The following GPD1L variants were observed in gnomAD, a reference collection of about 807,000 sequenced individuals.
The protein encoded by GPD1L is glycerol-3-phosphate dehydrogenase 1 like.
In GPD1L, 17 loss-of-function variants were observed where a neutral mutation model predicts 32.9. The observed-to-expected ratio is 0.52, with a 90% confidence interval of 0.35 to 0.78. GPD1L has a LOEUF of 0.78. GPD1L is among the 30% of genes least tolerant of loss of function. The pLI, the probability that GPD1L is intolerant of heterozygous loss-of-function variation, is 0.01. For missense variants in GPD1L, 361 were observed against 447.8 expected (o/e 0.81, Z 1.75); for synonymous variants, 187 against 165.9 (o/e 1.13, Z -0.98).
chr3:32,121,016 G>T (rs568197404), intron 1 of GPD1L, among the ~76,000 whole-genome samples: 20 of 152,130 alleles, frequency 1.3e-4, no homozygotes, highest in Non-Finnish European at 2.6e-4. Context: ...ACTCAGGGCC[G>T]TAGAGCAGAA....
chr3:32,149,587 G>A (rs1046525361), intron 5 of GPD1L, among the ~76,000 whole-genome samples: 6 of 152,138 alleles, frequency 3.9e-5, no homozygotes, highest in African/African-American at 1.4e-4. Context: ...TGTCCTTCAT[G>A]AACTCTTAGC....
intron 2 of GPD1L, among the ~76,000 whole-genome samples, chr3:32,138,179 C>T (rs77956269): frequency 0.03 from 4,503 of 152,230 alleles, 316 homozygotes; most frequent in East Asian, 0.25. Flanking sequence ...TGGCTGAAGC[C>T]CACTGGAAGC....
intron 4 of GPD1L, among the ~76,000 whole-genome samples, chr3:32,144,846 C>A (rs567614496): frequency 6.6e-6 from 1 of 151,458 alleles, no homozygotes; most frequent in Non-Finnish European, 1.5e-5. Context: ...CACACACACA[C>A]ACACACACCA....
chr3:32,116,295 T>A (rs1019839730), intron 1 of GPD1L, among the ~76,000 whole-genome samples: 1 of 152,222 alleles, frequency 6.6e-6, no homozygotes, highest in Admixed American at 6.5e-5. Context: ...TAAGTGACCA[T>A]GCATTCACAT....
In GPD1L at chr3:32,165,875, T is replaced by C. The variant is rs1344615515; in HGVS notation, c.1021T>C (p.Leu341=). 1 of 1,605,514 alleles carries C rather than the reference T, an allele frequency of 6.2e-7. No homozygotes were observed. The highest frequency in any genetic ancestry group is 1.3e-5 in the African/African-American group (1 of 74,768). ...CGAAAGCAGACCAGTTCAAGAGATG[T>C]TGTCTTGTCTTCAGAGCCATCCAGA... ...CYESRPVQEM[L]SCLQSHPEHT Residue 341 remains leucine, a synonymous_variant, in exon 8 of 8, where the codon TTG becomes CTG. Transcript: ENST00000282541.
chr3:32,136,711 A>G (rs778998151), intron 2 of GPD1L, among the ~76,000 whole-genome samples: 1 of 152,248 alleles, frequency 6.6e-6, no homozygotes, highest in Non-Finnish European at 1.5e-5. Context: ...TTCCTCTCAC[A>G]TAGAAATACT....
At position 32,143,468 on chromosome 3, in the gene GPD1L, G is replaced by A. The variant is rs564050883; in HGVS notation, c.505+3102G>A. Among the ~76,000 whole-genome samples the A allele has an allele frequency of 1.1e-3, 174 of 152,188 alleles. 2 individuals carry two copies. The highest frequency in any genetic ancestry group is 5.3e-4 in the Non-Finnish European group (36 of 68,012). On this transcript the variant is annotated intron_variant, in intron 4 of 7. Coordinates refer to ENST00000282541, the MANE Select transcript of GPD1L (RefSeq NM_015141.4). ...TATGTTATAAAACAACAGGCCAATG[G>A]TATCTTTGACTCTTCAAAAAAGTCA...
At chr3:32,124,019 G>A (rs1001738511) in intron 1 of GPD1L, among the ~76,000 whole-genome samples, 20 of 152,068 alleles carry the variant, frequency 1.3e-4, no homozygotes, top group African/African-American at 4.8e-4. Context: ...ATATATCTAT[G>A]TACATTTTTG....
chr3:32,119,122 G>A (rs1413836308), intron 1 of GPD1L, among the ~76,000 whole-genome samples: 1 of 152,136 alleles, frequency 6.6e-6, no homozygotes, highest in Non-Finnish European at 1.5e-5. Flanking sequence ...ATTCTTTGGG[G>A]TATATACCCA....
At chr3:32,116,410 C>T (rs902438801) in intron 1 of GPD1L, among the ~76,000 whole-genome samples, 1 of 152,202 alleles carries the variant, frequency 6.6e-6, no homozygotes, top group Admixed American at 6.5e-5. Context: ...TTAAAAGGAA[C>T]TCTTGTGAGT....
chr3:32,152,565 A>G (rs996426257), intron 5 of GPD1L, among the ~76,000 whole-genome samples: 3 of 152,194 alleles, frequency 2.0e-5, no homozygotes, highest in African/African-American at 7.2e-5. Flanking sequence ...GAAGAGGCAA[A>G]CAGAGAGCCA....
In GPD1L at chr3:32,124,343, G is replaced by A. The variant is rs144438488; in HGVS notation, c.48-3733G>A. ...GCCTCCCAAAGTGCTGGGATTACAGGCGTGAGCCACCACCCCCGGCCCATT... is the reference window on the plus strand; with the variant it reads ...GCCTCCCAAAGTGCTGGGATTACAGACGTGAGCCACCACCCCCGGCCCATT... On this transcript the variant is annotated intron_variant, in intron 1 of 7. Coordinates refer to ENST00000282541, the MANE Select transcript of GPD1L (RefSeq NM_015141.4). Among the ~76,000 whole-genome samples, 611 of 152,322 alleles carry A rather than the reference G, an allele frequency of 4.0e-3. 6 individuals carry two copies. Among genetic ancestry groups the A allele is most frequent in the African/African-American group, 0.014 (568 of 41,574 alleles).
At chr3:32,162,288 A>G (rs1701083343) in intron 7 of GPD1L, among the ~76,000 whole-genome samples, 1 of 152,146 alleles carries the variant, frequency 6.6e-6, no homozygotes, top group Non-Finnish European at 1.5e-5. Flanking sequence ...TCTAGCACCA[A>G]TGTAACTTCC....
chr3:32,167,184 C>T lies in GPD1L; in HGVS notation c.*1274C>T, dbSNP rs1031791414. 2 of 152,174 alleles carry T rather than the reference C, an allele frequency of 1.3e-5. No homozygotes were observed. The highest frequency in any genetic ancestry group is 4.8e-5 in the African/African-American group (2 of 41,416). 9.4% of individuals were successfully genotyped at this position (152,174 alleles called of 1,614,324 possible). A position where few individuals can be genotyped will look rare whatever the true frequency, so the allele number is the denominator to read the frequency against. ...ACTGTCCCAAGAGCCAGTGATTATT[C>T]CAGGTGTTCCCTGGAAAGGTCAAGT... On this transcript the variant is annotated 3_prime_UTR_variant, in exon 8 of 8. Coordinates refer to ENST00000282541, the MANE Select transcript of GPD1L (RefSeq NM_015141.4).
chr3:32,123,857 C>G (rs911839806), intron 1 of GPD1L, among the ~76,000 whole-genome samples: 5 of 112,592 alleles, frequency 4.4e-5, no homozygotes, highest in Non-Finnish European at 6.0e-5. Flanking sequence ...CAGATAAGAC[C>G]CATGCCTGAC....
At position 32,106,801 on chromosome 3, in the gene GPD1L, A is replaced by C; in HGVS notation, c.47+43A>C. ...GGAGGCCGGGGCTCCGCTTCCAGGA[A>C]GCGCCTCTCCCGGGCGGTGAGGGCT... On this transcript the variant is annotated intron_variant, in intron 1 of 7. Coordinates refer to ENST00000282541, the MANE Select transcript of GPD1L (RefSeq NM_015141.4). This position sits in a 1 kb window ranked among gnomAD's most constrained non-coding sequence, Gnocchi z 4.0. 1.3e-6 allele frequency: 2 copies of C among 1,537,720 alleles called. No homozygotes were observed. The highest frequency in any genetic ancestry group is 1.8e-6 in the Non-Finnish European group (2 of 1,141,608).
At chr3:32,135,474 A>G (rs1437947128) in intron 2 of GPD1L, among the ~76,000 whole-genome samples, 1 of 151,970 alleles carries the variant, frequency 6.6e-6, no homozygotes, top group Non-Finnish European at 1.5e-5. Context: ...TTTTTTTGAG[A>G]CAGAGTCTTG....
chr3:32,161,451 T>A (rs925474947), intron 7 of GPD1L, among the ~76,000 whole-genome samples: 1 of 152,190 alleles, frequency 6.6e-6, no homozygotes, highest in Non-Finnish European at 1.5e-5. Context: ...GTGGTTGGAC[T>A]ACTTTAATGA....
At chr3:32,156,313 A>G (rs994479382) in intron 5 of GPD1L, among the ~76,000 whole-genome samples, 13 of 152,234 alleles carry the variant, frequency 8.5e-5, no homozygotes, top group Admixed American at 8.5e-4. Flanking sequence ...TTACGAAGAC[A>G]TATGCACTTG....
Sources: allele counts gnomAD v4.1 joint callset (sites outside exome capture counted in the v4.1 genomes callset), GRCh38; gene constraint gnomAD v4.1.1; non-coding constraint Gnocchi (gnomAD v3.1); transcripts MANE v1.5; gene names NCBI Gene and HGNC (gene_info 2026-07-23, HGNC 2026-07-21).